The following WDR27 variants were observed in gnomAD, a reference collection of about 807,000 sequenced individuals.
WDR27 encodes the protein WD repeat domain 27.
WDR27 carries 100 observed loss-of-function variants against 114.4 expected under a neutral mutation model. That is an observed-to-expected ratio of 0.87 (90% CI 0.74 to 1.03). The LOEUF is 1.03. Among genes scored for constraint, WDR27 ranks in the 50% least tolerant of loss-of-function variants. The pLI is 0.00. For missense variants in WDR27, 1,129 were observed against 1,092.9 expected (o/e 1.03, Z -0.47); for synonymous variants, 449 against 423.1 (o/e 1.06, Z -0.75).
At chr6:169,666,949 A>G (rs536198125) in intron 6 of WDR27, 187 bp downstream of exon 6, 1 of 985,442 alleles carries the variant, frequency 1.0e-6, no homozygotes, top group African/African-American at 1.7e-5. Flanking sequence ...AGTGAAAAAC[A>G]TCAAGGACAT....
intron 25 of WDR27, among the ~76,000 whole-genome samples, chr6:169,545,803 C>A (rs1797387837): frequency 6.6e-6 from 1 of 151,994 alleles, no homozygotes; most frequent in Non-Finnish European, 1.5e-5. Context: ...AGTATCTAGA[C>A]TACATACTTT....
At chr6:169,693,195 C>T (rs1002027535) in intron 1 of WDR27, among the ~76,000 whole-genome samples, 1 of 152,062 alleles carries the variant, frequency 6.6e-6, no homozygotes, top group Non-Finnish European at 1.5e-5. Context: ...CTTTACCCTC[C>T]TTAAACAAAA....
chr6:169,651,187 G>GA (rs1554345298), intron 14 of WDR27, among the ~76,000 whole-genome samples: 1 of 109,312 alleles, frequency 9.1e-6, no homozygotes. Context: ...GCGGGGCGGG[G>GA]GGGGGGAGTG....
At chr6:169,654,106 C>T (rs1353515833) in intron 13 of WDR27, among the ~76,000 whole-genome samples, 1 of 152,148 alleles carries the variant, frequency 6.6e-6, no homozygotes, top group African/African-American at 2.4e-5. Context: ...AACTAAAGGC[C>T]CACTTCTCTA....
chr6:169,659,383 T>C lies in WDR27; in HGVS notation c.1197+68A>G. ...GTTTACTCAGCCAGTCGTTACAGGATCACTCTGAAGAAAGAAGAAATCAGA... is the reference window on the plus strand; with the variant it reads ...GTTTACTCAGCCAGTCGTTACAGGACCACTCTGAAGAAAGAAGAAATCAGA... On this transcript the variant is annotated intron_variant, in intron 11 of 25. Transcript: ENST00000448612. The surrounding 1 kb of genome is among the most constrained non-coding windows in gnomAD (Gnocchi z 4.3). 5.6e-6 allele frequency: 9 copies of C among 1,593,202 alleles called. No individual in the cohort carries two copies. Among genetic ancestry groups the C allele is most frequent in the Non-Finnish European group, 7.7e-6 (9 of 1,166,616 alleles).
chr6:169,491,005 T>C (rs1433196503), intron 25 of WDR27, among the ~76,000 whole-genome samples: 1 of 152,138 alleles, frequency 6.6e-6, no homozygotes, highest in Admixed American at 6.5e-5. Flanking sequence ...ACAAAGGCAA[T>C]GCTGCACAGA....
intron 25 of WDR27, among the ~76,000 whole-genome samples, chr6:169,543,389 C>A (rs1797065273): frequency 6.6e-6 from 1 of 152,006 alleles, no homozygotes; most frequent in South Asian, 2.1e-4. Context: ...TCTTAATACC[C>A]CCTTCATACT....
intron 23 of WDR27, among the ~76,000 whole-genome samples, chr6:169,591,723 C>T (rs1584441523): frequency 6.6e-6 from 1 of 152,272 alleles, no homozygotes; most frequent in East Asian, 1.9e-4. Flanking sequence ...CAACAGAATA[C>T]GGCACAGGTG....
intron 25 of WDR27, among the ~76,000 whole-genome samples, chr6:169,475,934 G>T (rs1787084929): frequency 6.6e-6 from 1 of 152,058 alleles, no homozygotes. Flanking sequence ...CTGGAATTTT[G>T]ATAGAGATTG....
chr6:169,592,713 G>A (rs557303952), intron 23 of WDR27, among the ~76,000 whole-genome samples: 1 of 152,256 alleles, frequency 6.6e-6, no homozygotes, highest in African/African-American at 2.4e-5. Context: ...CCAATACCCT[G>A]TAAAATAGTC....
chr6:169,631,655 C>A (rs1035047434), intron 21 of WDR27, among the ~76,000 whole-genome samples: 1 of 152,160 alleles, frequency 6.6e-6, no homozygotes, highest in East Asian at 1.9e-4. Flanking sequence ...TGCAGGGAGA[C>A]CATCTTCCTG....
chr6:169,636,641 A>G (rs1817716899), intron 18 of WDR27, 137 bp from the exon 19 acceptor site: 1 of 829,636 alleles, frequency 1.2e-6, no homozygotes. Context: ...GTTAGACCCA[A>G]TCTACAATTT....
intron 15 of WDR27, among the ~76,000 whole-genome samples, 196 bp downstream of exon 15, chr6:169,649,002 T>C (rs377299329): frequency 6.6e-6 from 1 of 152,224 alleles, no homozygotes; most frequent in South Asian, 2.1e-4. Context: ...GAACAGACCA[T>C]GTCTGAAAAA....
chr6:169,554,645 C>T (rs935847076), intron 25 of WDR27, among the ~76,000 whole-genome samples: 5 of 152,256 alleles, frequency 3.3e-5, no homozygotes, highest in African/African-American at 4.8e-5. Context: ...CTGTGCCACC[C>T]GGTTCTTCTG....
downstream of WDR27, among the ~76,000 whole-genome samples, chr6:169,454,137 G>T (rs73036301): frequency 3.9e-5 from 6 of 152,300 alleles, no homozygotes; most frequent in Non-Finnish European, 7.4e-5. Flanking sequence ...TGTCAGAAAG[G>T]AGAAAAGAAA....
intron 25 of WDR27, among the ~76,000 whole-genome samples, chr6:169,555,803 T>C (rs1211128377): frequency 6.6e-6 from 1 of 152,092 alleles, no homozygotes; most frequent in Non-Finnish European, 1.5e-5. Flanking sequence ...TACAATAAGA[T>C]TATTAAGCAA....
intron 19 of WDR27, among the ~76,000 whole-genome samples, chr6:169,635,040 G>A (rs1817332640): frequency 6.6e-6 from 1 of 152,182 alleles, no homozygotes; most frequent in Non-Finnish European, 1.5e-5. Context: ...GCTGTGACAT[G>A]AGCTGACTTG....
chr6:169,586,847 CAAAAAAAAAAAAAAAA>C (rs3029697), intron 23 of WDR27, among the ~76,000 whole-genome samples: 1 of 32,058 alleles, frequency 3.1e-5, no homozygotes, highest in African/African-American at 1.2e-4. Context: ...GACTCTGTCT[CAAAAAAAAAAAAAAAA>C]AAAAAAAAAA....
At chr6:169,695,255 C>T (rs1340834317) in intron 1 of WDR27, among the ~76,000 whole-genome samples, 7 of 152,146 alleles carry the variant, frequency 4.6e-5, no homozygotes, top group Non-Finnish European at 1.0e-4. Context: ...CCGATGGAAG[C>T]CAGTACGGGT....
Sources: allele counts gnomAD v4.1 joint callset (sites outside exome capture counted in the v4.1 genomes callset), GRCh38; gene constraint gnomAD v4.1.1; non-coding constraint Gnocchi (gnomAD v3.1); transcripts MANE v1.5; gene names NCBI Gene and HGNC (gene_info 2026-07-23, HGNC 2026-07-21).